TCF3: variants seen among roughly 807,000 people sequenced by gnomAD.
TCF3 encodes the protein transcription factor E2-alpha.
Under a neutral mutation model 72.3 loss-of-function variants are expected in TCF3, and 54 were observed. That is an observed-to-expected ratio of 0.75 (90% CI 0.60 to 0.94). TCF3 has a LOEUF of 0.94. Ranked by LOEUF, TCF3 falls within the 40% of genes least tolerant of loss-of-function variation. The pLI is 0.00. For synonymous variants in TCF3, 525 were observed against 412.6 expected (o/e 1.27, Z -3.30); for missense variants, 1,078 against 934.4 (o/e 1.15, Z -2.00).
chr19:1,622,675 T>C lies in TCF3; in HGVS notation c.550-260A>G, dbSNP rs537566314. Among the ~76,000 whole-genome samples the C allele has an allele frequency of 3.5e-3, 530 of 152,288 alleles. 5 individuals are homozygous for C. The highest frequency in any genetic ancestry group is 0.024 in the South Asian group (116 of 4,832). On this transcript the variant is annotated intron_variant, in intron 8 of 18. Transcript: ENST00000262965. ...ACTTCTGACCTTTGTACTTGAGGAC[T>C]TGGATCTGGCTCTGCCTACTAAACC...
chr19:1,623,382 CTTT>C (rs371876498), intron 8 of TCF3, among the ~76,000 whole-genome samples: 19 of 129,852 alleles, frequency 1.5e-4, no homozygotes, highest in South Asian at 5.3e-4. Context: ...GCACCCCCCG[CTTT>C]TTTTTTTTTT....
rs2060905594 is a variant in TCF3, at chr19:1,610,489, G to A, written c.*1218C>T. ...TCCTCTCAGCCAGAGTTCAGAGCAT[G>A]AGCCTGGGTCCCTGGGGCAAAGGAG... On this transcript the variant is annotated 3_prime_UTR_variant, in exon 19 of 19. Coordinates refer to ENST00000262965, the MANE Select transcript of TCF3 (RefSeq NM_003200.5). The A allele has an allele frequency of 4.3e-6, 1 of 231,458 alleles. No individual in the cohort carries two copies. The highest frequency in any genetic ancestry group is 5.6e-5 in the Admixed American group (1 of 17,724). 14.3% of individuals were successfully genotyped at this position (231,458 alleles called of 1,614,324 possible). A position where few individuals can be genotyped will look rare whatever the true frequency, so the allele number is the denominator to read the frequency against.
intron 3 of TCF3, among the ~76,000 whole-genome samples, chr19:1,635,485 C>T (rs745831754): frequency 4.6e-5 from 7 of 152,098 alleles, no homozygotes; most frequent in Non-Finnish European, 7.4e-5. Context: ...TTCCCCAACA[C>T]AGGAGGTGAC....
Position 1,619,465 on chromosome 19 carries a change from T to TCTTA in TCF3, c.1173_1176dup (p.Ile393Ter). 1 of 1,580,084 alleles carries TCTTA rather than the reference T, an allele frequency of 6.3e-7. No individual in the cohort carries two copies. The highest frequency in any genetic ancestry group is 8.6e-7 in the Non-Finnish European group (1 of 1,167,432). ...ATGGCCTCGTCCAGGTGGTCTTCTA[T>TCTTA]CTTACTCTGCTGCAGGGTGGGGGGA... On this transcript the variant is annotated stop_gained and frameshift_variant, in exon 15 of 19. Transcript: ENST00000262965. LOFTEE classifies it high-confidence loss of function.
chr19:1,615,384 T>C lies in TCF3; in HGVS notation c.1723A>G (p.Met575Val), dbSNP rs764523561. 1 of 1,614,078 alleles carries C rather than the reference T, an allele frequency of 6.2e-7. No individual in the cohort carries two copies. Among genetic ancestry groups the C allele is most frequent in the Admixed American group, 1.7e-5 (1 of 60,018 alleles). The part of the protein sequence containing the change: ...INEAFKELGR[M>V]CQLHLNSEKP... ...TCGCTGTTGAGGTGCAGTTGGCACA[T>C]GCGCCCCAGCTCCTTAAAGGCCTCG... is the stretch of plus-strand genomic sequence containing the variant. The change falls in exon 18 of 19, where the codon ATG (methionine) becomes GTG (valine). Residue 575 changes from methionine (M) to valine (V), a missense_variant. Transcript: ENST00000262965. The surrounding 1 kb of genome is among the most constrained non-coding windows in gnomAD (Gnocchi z 7.3).
chr19:1,615,521 C>T lies in TCF3; in HGVS notation c.1587-1G>A. 1 of 1,607,480 alleles carries T rather than the reference C, an allele frequency of 6.2e-7. No individual in the cohort carries two copies. The highest frequency in any genetic ancestry group is 2.2e-5 in the East Asian group (1 of 44,856). On this transcript the variant is annotated splice_acceptor_variant, in intron 17 of 18. Coordinates refer to ENST00000262965, the MANE Select transcript of TCF3 (RefSeq NM_003200.5). LOFTEE classifies it high-confidence loss of function. The surrounding 1 kb of genome is among the most constrained non-coding windows in gnomAD (Gnocchi z 7.3). The stretch of plus-strand genomic sequence containing the variant: ...AAGGTCGTCCTCGTCCTCGTCTGGG[C>T]TATGGGGAGGGCGCCGGGAGGGGGC...
intron 3 of TCF3, among the ~76,000 whole-genome samples, chr19:1,639,001 CA>C (rs1184792044): frequency 6.6e-6 from 1 of 152,168 alleles, no homozygotes. Context: ...GCCACACCAA[CA>C]AAAAGGAAGG....
intron 11 of TCF3, 102 bp downstream of exon 11, chr19:1,621,736 A>G: frequency 7.1e-7 from 1 of 1,403,968 alleles, no homozygotes; most frequent in Non-Finnish European, 9.4e-7. Context: ...GGGCCAGCAG[A>G]CGCGCCTGCG....
At chr19:1,624,971 G>C (rs766535923) in intron 7 of TCF3, among the ~76,000 whole-genome samples, 32 of 152,204 alleles carry the variant, frequency 2.1e-4, no homozygotes, top group African/African-American at 2.4e-5. Flanking sequence ...TCAGCCTCCT[G>C]AGTAGCTGGG....
At chr19:1,632,493 A>C in intron 3 of TCF3, 88 bp from the exon 4 acceptor site, 4 of 1,397,148 alleles carry the variant, frequency 2.9e-6, no homozygotes, top group Non-Finnish European at 3.9e-6. Context: ...GGCAAACCTC[A>C]GTGGACCCGG....
rs916807162 is a variant in TCF3, at chr19:1,619,008, G to A, written c.1450+103C>T. The A allele has an allele frequency of 3.2e-5, 49 of 1,553,462 alleles. 1 individual carries two copies. Among genetic ancestry groups the A allele is most frequent in the South Asian group, 1.9e-4 (16 of 84,376 alleles). On this transcript the variant is annotated intron_variant, in intron 16 of 18. Coordinates refer to ENST00000262965, the MANE Select transcript of TCF3 (RefSeq NM_003200.5). ...CGCCCATGTCACCAGGTGCCCCCAC[G>A]GTGACACCTGCCCTGGGCTCCCACC...
intron 18 of TCF3, chr19:1,612,170 G>A (rs1355417136): frequency 5.9e-6 from 9 of 1,536,808 alleles, no homozygotes; most frequent in Non-Finnish European, 7.9e-6. Context: ...GTGGGGAAGG[G>A]AGAGGGTGCT....
chr19:1,639,233 G>A (rs1430759946), intron 3 of TCF3, among the ~76,000 whole-genome samples: 1 of 152,176 alleles, frequency 6.6e-6, no homozygotes, highest in Non-Finnish European at 1.5e-5. Flanking sequence ...TAGTAGAGAT[G>A]GAGTTTCGCC....
At chr19:1,634,446 G>A (rs955220080) in intron 3 of TCF3, among the ~76,000 whole-genome samples, 5 of 152,364 alleles carry the variant, frequency 3.3e-5, no homozygotes, top group African/African-American at 1.2e-4. Flanking sequence ...CGGCGCAGGG[G>A]CGCTGGGGAG....
At chr19:1,644,526 G>A (rs1340543387) in intron 3 of TCF3, among the ~76,000 whole-genome samples, 1 of 152,228 alleles carries the variant, frequency 6.6e-6, no homozygotes, top group East Asian at 1.9e-4. Context: ...CCTAACGTGT[G>A]AGGGGACAAG....
intron 5 of TCF3, among the ~76,000 whole-genome samples, chr19:1,631,275 T>G (rs904087918): frequency 2.7e-5 from 3 of 111,658 alleles, no homozygotes; most frequent in African/African-American, 9.6e-5. Context: ...TCTTCATTCT[T>G]TTTTTTTTTT....
At chr19:1,624,085 T>C (rs2062589983) in intron 7 of TCF3, 85 bp from the exon 8 acceptor site, 2 of 1,393,618 alleles carry the variant, frequency 1.4e-6, no homozygotes, top group Middle Eastern at 1.8e-4. Flanking sequence ...ACCCTCACAA[T>C]TCCCGTTTCA....
intron 3 of TCF3, among the ~76,000 whole-genome samples, chr19:1,641,478 G>C (rs572340317): frequency 2.0e-5 from 3 of 151,976 alleles, no homozygotes; most frequent in Non-Finnish European, 2.9e-5. Flanking sequence ...CTTCAGACAC[G>C]GTCTCCCTCT....
chr19:1,626,107 G>C (rs1339200734), intron 6 of TCF3, among the ~76,000 whole-genome samples: 1 of 152,146 alleles, frequency 6.6e-6, no homozygotes. Context: ...CTTTCTTCCT[G>C]GGGAGCCAGG....
Sources: gnomAD v4.1 joint callset for allele counts (sites outside exome capture counted in the v4.1 genomes callset) on GRCh38, gnomAD v4.1.1 for gene constraint, Gnocchi (gnomAD v3.1) non-coding constraint, MANE v1.5 for transcripts, NCBI Gene and HGNC (gene_info 2026-07-23, HGNC 2026-07-21) for gene names.